The following CDAN1 variants were observed in gnomAD, a reference collection of about 807,000 sequenced individuals.
The protein encoded by CDAN1 is codanin 1.
A neutral mutation model predicts 139.8 loss-of-function variants in CDAN1; 107 were observed. The ratio of observed to expected loss-of-function variants is 0.77; its 90% CI spans 0.65 to 0.90. The LOEUF (loss-of-function observed/expected upper bound fraction) is 0.90, where lower values mean the gene tolerates loss of function less well. Among genes scored for constraint, CDAN1 ranks in the 40% least tolerant of loss-of-function variants. CDAN1 has a pLI of 0.00. For synonymous variants in CDAN1, 776 were observed against 660.6 expected (o/e 1.17, Z -2.68); for missense variants, 1,667 against 1,575.7 (o/e 1.06, Z -0.98).
In CDAN1 at chr15:42,726,165, G is replaced by T. The variant is rs772939236; in HGVS notation, c.3205-5C>A. 1.2e-6 allele frequency: 2 copies of T among 1,613,948 alleles called. No homozygotes were observed. The highest frequency in any genetic ancestry group is 1.7e-6 in the Non-Finnish European group (2 of 1,179,976). On this transcript the variant is annotated splice_polypyrimidine_tract_variant and splice_region_variant and intron_variant, in intron 24 of 27. Transcript: ENST00000356231. The stretch of plus-strand genomic sequence containing the variant: ...CTCAGCAGGTGGGCACAGGAACTGC[G>T]GTTGGGGTGGGGGGGAAAGAGAGAC...
At chr15:42,732,539 C>A (rs2061627532) in intron 9 of CDAN1, 131 bp from the exon 10 acceptor site, 1 of 796,906 alleles carries the variant, frequency 1.3e-6, no homozygotes, top group Non-Finnish European at 2.2e-6. Flanking sequence ...CAGAGCCAGC[C>A]TGCAAAGGGA....
intron 22 of CDAN1, 41 bp from the exon 23 acceptor site, chr15:42,727,810 G>A: frequency 6.2e-7 from 1 of 1,611,720 alleles, no homozygotes; most frequent in Non-Finnish European, 8.5e-7. Context: ...TCACGGGAGG[G>A]CCCTGCACAG....
At chr15:42,724,766 G>A (rs1435860499) in intron 27 of CDAN1, 150 bp from the exon 28 acceptor site, 2 of 1,034,190 alleles carry the variant, frequency 1.9e-6, no homozygotes, top group Admixed American at 2.0e-5. Context: ...TTGTCTGTTT[G>A]TTAGTACTCT....
chr15:42,726,395 C>T lies in CDAN1; in HGVS notation c.3119G>A (p.Gly1040Glu), dbSNP rs1412116591. ...GACTCCCTCGTCAGGGTCCCGTGGCCCCACGGCCAAGGAGAGCACGTCCTG... is the reference window on the plus strand; with the variant it reads ...GACTCCCTCGTCAGGGTCCCGTGGCTCCACGGCCAAGGAGAGCACGTCCTG... Reference protein sequence around the residue: ...EIKDVLSLAVGPRDPDEGVSP... With the variant: ...EIKDVLSLAVEPRDPDEGVSP... Residue 1040 changes from glycine (G) to glutamate (E), a missense_variant, in exon 24 of 28, where the codon GGG becomes GAG. Around this residue, in one of 3 missense-constraint regions of CDAN1, gnomAD observed 936 missense variants for 844.1 expected, o/e 1.11. Transcript: ENST00000356231. The T allele has an allele frequency of 5.0e-6, 8 of 1,597,158 alleles. No individual in the cohort carries two copies. The highest frequency in any genetic ancestry group is 1.7e-5 in the Admixed American group (1 of 57,424).
chr15:42,730,444 T>C, intron 14 of CDAN1, 154 bp downstream of exon 14: 1 of 957,802 alleles, frequency 1.0e-6, no homozygotes, highest in Non-Finnish European at 1.7e-6. Context: ...CCACTGTACC[T>C]CAGGGGAGCC....
In CDAN1 at chr15:42,733,183, A is replaced by G. The variant is rs2061639427; in HGVS notation, c.1371T>C (p.Asp457=). ...RAFHTFKKQR[D]VFYEVLREWE... Reference sequence around the variant, plus strand: ...ACTCTCGCAGCACCTCATAAAACACATCCCTGACGCATAAGAACGCCTGAT... The same window carrying G: ...ACTCTCGCAGCACCTCATAAAACACGTCCCTGACGCATAAGAACGCCTGAT... Residue 457 remains aspartate (D), a synonymous_variant, in exon 9 of 28, where the codon GAT becomes GAC. Transcript: ENST00000356231. The G allele has an allele frequency of 4.3e-6, 7 of 1,613,564 alleles. No homozygotes were observed. Among genetic ancestry groups the G allele is most frequent in the Non-Finnish European group, 5.9e-6 (7 of 1,179,818 alleles).
rs780741444 is a variant in CDAN1, at chr15:42,736,642, C to T, written c.229G>A (p.Gly77Ser). 103 of 1,523,482 alleles carry T rather than the reference C, an allele frequency of 6.8e-5. No homozygotes were observed. The South Asian group carries it at 1.1e-3, about 17-fold the overall frequency. The allele number at this position is 1,523,482 out of a possible 1,614,324, so 94.4% of individuals were successfully genotyped here. The change falls in exon 2 of 28, where the codon GGC (glycine) becomes AGC (serine). Residue 77 changes from glycine (G) to serine (S), a missense_variant. This residue lies in a region of CDAN1 where 487 missense variants were observed against 422.2 expected (regional missense o/e 1.15). Coordinates refer to ENST00000356231, the MANE Select transcript of CDAN1 (RefSeq NM_138477.4). ...CTCCCTGGCAAGGCTGCCGAGGCGC[C>T]CGGGGTCTTGGCGGGGGTCGGGGGC... Reference protein sequence around the residue: ...QGPPTPAKTPGASAALPGRPG... With the variant: ...QGPPTPAKTPSASAALPGRPG...
At chr15:42,725,975 CAAAAAAAAA>C (rs886492399) in intron 25 of CDAN1, 113 bp downstream of exon 25, 44 of 354,174 alleles carry the variant, frequency 1.2e-4, no homozygotes, top group East Asian at 3.4e-4. Flanking sequence ...GATTCCGTCT[CAAAAAAAAA>C]AAAAAAAAAA....
At chr15:42,729,668 C>T (rs1336510593) in intron 16 of CDAN1, 46 bp from the exon 17 acceptor site, 5 of 1,610,018 alleles carry the variant, frequency 3.1e-6, no homozygotes, top group East Asian at 2.2e-5. Flanking sequence ...TCCCCCAGCG[C>T]ACCCAGAAAG....
chr15:42,724,434 G>A lies in CDAN1; in HGVS notation c.*57C>T, dbSNP rs570078213. The A allele has an allele frequency of 1.6e-5, 25 of 1,555,152 alleles. No individual in the cohort carries two copies. The African/African-American group carries it at 1.9e-4, about 12-fold the overall frequency. ...CTGCATTGGGCACTTGGGCCTCCTC[G>A]TGAGGCGGGGGTCCAGGGTTCTGGT... On this transcript the variant is annotated 3_prime_UTR_variant, in exon 28 of 28. Coordinates refer to ENST00000356231, the MANE Select transcript of CDAN1 (RefSeq NM_138477.4).
chr15:42,731,549 AT>A, intron 11 of CDAN1, 70 bp downstream of exon 11: 3 of 1,538,368 alleles, frequency 2.0e-6, no homozygotes, highest in Non-Finnish European at 1.8e-6. Context: ...CTGGAGAACT[AT>A]TTACCCTTTT....
In CDAN1 at chr15:42,729,070, T is replaced by G; in HGVS notation, c.2598A>C (p.Val866=). 1 of 1,614,212 alleles carries G rather than the reference T, an allele frequency of 6.2e-7. No individual in the cohort carries two copies. Among genetic ancestry groups the G allele is most frequent in the East Asian group, 2.2e-5 (1 of 44,880 alleles). The change falls in exon 19 of 28, where the codon GTA becomes GTC. Residue 866 remains valine (V), a synonymous_variant. Coordinates refer to ENST00000356231, the MANE Select transcript of CDAN1 (RefSeq NM_138477.4). ...ATCCAATTCTTTCTGCCACGAACTC[T>G]ACGGTCCGGCGCAAGGAGGGCGGCT... The part of the protein sequence containing the change: ...HNQPPSLRRT[V]EFVAERIGSN...
At chr15:42,726,272 C>A (rs1481362257) in intron 24 of CDAN1, 38 bp downstream of exon 24, 1 of 1,593,540 alleles carries the variant, frequency 6.3e-7, no homozygotes. Flanking sequence ...CACAAGGACA[C>A]AGAAAAAAGC....
In CDAN1 at chr15:42,730,639, T is replaced by C. The variant is rs2061598421; in HGVS notation, c.2133A>G (p.Glu711=). 2 of 1,614,030 alleles carry C rather than the reference T, an allele frequency of 1.2e-6. No individual in the cohort carries two copies. Among genetic ancestry groups the C allele is most frequent in the South Asian group, 2.2e-5 (2 of 91,086 alleles). ...GGAGAGTGAAGATGTCCCGGTAATATTCCAGCAAGGGAACAACATGGTCAG... is the reference window on the plus strand; with the variant it reads ...GGAGAGTGAAGATGTCCCGGTAATACTCCAGCAAGGGAACAACATGGTCAG... ...SFADHVVPLL[E]YYRDIFTLLL... The change falls in exon 14 of 28, where the codon GAA becomes GAG. Residue 711 remains glutamate, a synonymous_variant. Transcript: ENST00000356231.
chr15:42,725,094 G>T, intron 27 of CDAN1, 50 bp downstream of exon 27: 1 of 1,443,626 alleles, frequency 6.9e-7, no homozygotes, highest in Non-Finnish European at 9.7e-7. Context: ...GGACAGATGG[G>T]ATATGTAACA....
In CDAN1 at chr15:42,729,835, A is replaced by G; in HGVS notation, c.2313T>C (p.Tyr771=). Residue 771 remains tyrosine, a synonymous_variant, in exon 16 of 28, where the codon TAT becomes TAC. Transcript: ENST00000356231. ...DLFFLEEGPS[Y]AFEVDTVAPE... is the part of the protein sequence containing the mutation. The stretch of plus-strand genomic sequence containing the variant: ...GGGCTACTGTGTCCACCTCAAAGGC[A>G]TATGAGGGACCCTCTTCCAGAAAGA... The G allele has an allele frequency of 6.2e-7, 1 of 1,613,970 alleles. No homozygotes were observed. Among genetic ancestry groups the G allele is most frequent in the Non-Finnish European group, 8.5e-7 (1 of 1,179,950 alleles).
intron 2 of CDAN1, 35 bp from the exon 3 acceptor site, chr15:42,736,113 C>G: frequency 6.2e-7 from 1 of 1,610,136 alleles, no homozygotes. Context: ...TCTCAAATTC[C>G]TATCTTCAAA....
In CDAN1 at chr15:42,732,714, C is replaced by T. The variant is rs564089669; in HGVS notation, c.1458-306G>A. On this transcript the variant is annotated intron_variant, in intron 9 of 27. Coordinates refer to ENST00000356231, the MANE Select transcript of CDAN1 (RefSeq NM_138477.4). ...GAAGGGAGATGACTGGACTGAGGTTCGCGTTCTGAGCCCAGGCATCTACCT... is the reference window on the plus strand; with the variant it reads ...GAAGGGAGATGACTGGACTGAGGTTTGCGTTCTGAGCCCAGGCATCTACCT... Among the ~76,000 whole-genome samples, 15 of 152,272 alleles carry T rather than the reference C, an allele frequency of 9.9e-5. 1 individual carries two copies. In the South Asian group the frequency reaches 1.5e-3, roughly 15 times the overall value.
intron 20 of CDAN1, 56 bp downstream of exon 20, chr15:42,728,596 A>G: frequency 6.2e-7 from 1 of 1,607,328 alleles, no homozygotes; most frequent in Non-Finnish European, 8.5e-7. Context: ...GAAGGAGGAA[A>G]GAAAGGACAG....
Sources: allele counts gnomAD v4.1 joint callset (sites outside exome capture counted in the v4.1 genomes callset), GRCh38; gene constraint gnomAD v4.1.1; regional missense constraint gnomAD v4.1.1; transcripts MANE v1.5; gene names NCBI Gene and HGNC (gene_info 2026-07-23, HGNC 2026-07-21).